The following CNTNAP2 variants were observed in gnomAD, a reference collection of about 807,000 sequenced individuals.
The protein encoded by CNTNAP2 is contactin-associated protein-like 2.
CNTNAP2 carries 98 observed loss-of-function variants against 155.2 expected under a neutral mutation model. The ratio of observed to expected loss-of-function variants is 0.63; its 90% CI spans 0.54 to 0.75. The LOEUF is 0.75. Among genes scored for constraint, CNTNAP2 ranks in the 30% least tolerant of loss-of-function variants. The pLI, the probability that CNTNAP2 is intolerant of heterozygous loss-of-function variation, is 0.00. For missense variants in CNTNAP2, 1,727 were observed against 1,688.1 expected (o/e 1.02, Z -0.40); for synonymous variants, 651 against 631.2 (o/e 1.03, Z -0.47).
intron 1 of CNTNAP2, among the ~76,000 whole-genome samples, chr7:146,517,078 G>A (rs1376124442): frequency 2.0e-5 from 3 of 151,926 alleles, no homozygotes; most frequent in South Asian, 2.1e-4. Flanking sequence ...CTCTAAGCAC[G>A]GTGATGAACT....
intron 14 of CNTNAP2, among the ~76,000 whole-genome samples, chr7:147,960,015 C>A (rs1194288790): frequency 1.3e-5 from 2 of 152,112 alleles, no homozygotes; most frequent in Non-Finnish European, 2.9e-5. Flanking sequence ...CTCAGCACCT[C>A]GACTCTCTCC....
At chr7:146,912,091 C>T (rs760367620) in intron 3 of CNTNAP2, among the ~76,000 whole-genome samples, 10 of 150,428 alleles carry the variant, frequency 6.6e-5, no homozygotes, top group Non-Finnish European at 8.9e-5. Context: ...TCCTGAATCA[C>T]GATGTTTTAA....
intron 8 of CNTNAP2, among the ~76,000 whole-genome samples, chr7:147,274,925 A>G (rs1054337925): frequency 6.6e-6 from 1 of 151,910 alleles, no homozygotes; most frequent in Non-Finnish European, 1.5e-5. Flanking sequence ...ATTGAATAGG[A>G]TGTCCTTTTC....
chr7:146,178,117 T>C (rs1798496531), intron 1 of CNTNAP2, among the ~76,000 whole-genome samples: 1 of 152,182 alleles, frequency 6.6e-6, no homozygotes, highest in Non-Finnish European at 1.5e-5. Context: ...CACTGCAAGC[T>C]CCACCTCCTG....
chr7:148,172,341 G>T lies in CNTNAP2; in HGVS notation c.2873G>T (p.Gly958Val). The change falls in exon 18 of 24, where the codon GGG (glycine) becomes GTG (valine). Residue 958 changes from glycine to valine, a missense_variant. By Grantham distance (109) the Gly-to-Val change is moderately radical. Transcript: ENST00000361727. ...GAGGAAAGAGCAAAGGTCACATCTG[G>T]GTTCATATCCGGATGCTCGGGCCAT... is the stretch of plus-strand genomic sequence containing the variant. ...DLEERAKVTS[G>V]FISGCSGHCT... 1 of 1,614,118 alleles carries T rather than the reference G, an allele frequency of 6.2e-7. No individual in the cohort carries two copies. Among genetic ancestry groups the T allele is most frequent in the Non-Finnish European group, 8.5e-7 (1 of 1,180,024 alleles).
At chr7:146,955,646 T>G (rs1797418884) in intron 3 of CNTNAP2, among the ~76,000 whole-genome samples, 1 of 152,034 alleles carries the variant, frequency 6.6e-6, no homozygotes, top group African/African-American at 2.4e-5. Context: ...AAGACAACCC[T>G]AGAAATAATT....
intron 8 of CNTNAP2, among the ~76,000 whole-genome samples, chr7:147,194,055 G>A (rs1218416495): frequency 6.6e-6 from 1 of 151,030 alleles, no homozygotes; most frequent in African/African-American, 2.4e-5. Flanking sequence ...TGTACCTATT[G>A]ACCCCTCCTC....
rs1798501248 is a variant in CNTNAP2, at chr7:147,485,919, T to C, written c.1671-16T>C. On this transcript the variant is annotated splice_polypyrimidine_tract_variant and intron_variant, in intron 10 of 23. Coordinates refer to ENST00000361727, the MANE Select transcript of CNTNAP2 (RefSeq NM_014141.6). ...TTGTTTGTTGGTTTATTTCTGTTTG[T>C]CTCTCTCTCTGACAGATGTGTGCCC... 1 of 1,607,108 alleles carries C rather than the reference T, an allele frequency of 6.2e-7. No individual in the cohort carries two copies. The highest frequency in any genetic ancestry group is 8.5e-7 in the Non-Finnish European group (1 of 1,173,814).
At chr7:148,295,603 T>G (rs908127261) in intron 21 of CNTNAP2, among the ~76,000 whole-genome samples, 1 of 138,808 alleles carries the variant, frequency 7.2e-6, no homozygotes, top group African/African-American at 2.8e-5. Context: ...CCCATTCTCC[T>G]GCCTCAGCCT....
intron 18 of CNTNAP2, among the ~76,000 whole-genome samples, chr7:148,179,490 G>A (rs1794997836): frequency 6.7e-6 from 1 of 149,880 alleles, no homozygotes; most frequent in Admixed American, 6.7e-5. Flanking sequence ...CTGGGCAACA[G>A]AGCAAGACTG....
At chr7:146,223,107 C>T (rs1799234958) in intron 1 of CNTNAP2, among the ~76,000 whole-genome samples, 1 of 152,152 alleles carries the variant, frequency 6.6e-6, no homozygotes, top group African/African-American at 2.4e-5. Flanking sequence ...AACACATAGA[C>T]ACAAACCCAC....
chr7:147,055,827 C>T (rs1433841055), intron 4 of CNTNAP2, among the ~76,000 whole-genome samples: 1 of 152,010 alleles, frequency 6.6e-6, no homozygotes, highest in South Asian at 2.1e-4. Context: ...GCCTGATCCC[C>T]GAGGGAAGCA....
intron 8 of CNTNAP2, among the ~76,000 whole-genome samples, chr7:147,287,557 A>C (rs929090407): frequency 8.6e-5 from 13 of 151,884 alleles, no homozygotes; most frequent in African/African-American, 3.1e-4. Context: ...TTCAGCCTAA[A>C]CTCTCTTTTC....
intron 9 of CNTNAP2, among the ~76,000 whole-genome samples, chr7:147,368,770 A>T (rs1525228): frequency 6.6e-6 from 1 of 152,096 alleles, no homozygotes; most frequent in African/African-American, 2.4e-5. Flanking sequence ...AATACAAAAG[A>T]GTTCCTCTTA....
intron 9 of CNTNAP2, among the ~76,000 whole-genome samples, chr7:147,300,755 C>T (rs1032891747): frequency 2.0e-5 from 3 of 152,092 alleles, no homozygotes; most frequent in South Asian, 2.1e-4. Context: ...TCATTGGAAG[C>T]CTCGTCTGCT....
intron 11 of CNTNAP2, among the ~76,000 whole-genome samples, chr7:147,529,541 T>G (rs1252688773): frequency 3.5e-5 from 5 of 144,548 alleles, no homozygotes; most frequent in South Asian, 2.2e-4. Context: ...AACAATGCTG[T>G]TTTTTTTTTG....
intron 15 of CNTNAP2, among the ~76,000 whole-genome samples, chr7:147,989,540 G>T (rs1033376341): frequency 2.6e-5 from 4 of 152,162 alleles, no homozygotes; most frequent in Non-Finnish European, 5.9e-5. Flanking sequence ...TATCAGAAAA[G>T]CTCTGCCCAT....
chr7:147,208,486 G>T (rs974681821), intron 8 of CNTNAP2, among the ~76,000 whole-genome samples: 1 of 151,990 alleles, frequency 6.6e-6, no homozygotes, highest in East Asian at 1.9e-4. Context: ...AAAGTGCAGG[G>T]TCTAGTAGGA....
intron 13 of CNTNAP2, among the ~76,000 whole-genome samples, chr7:147,787,067 G>A (rs1797752021): frequency 6.6e-6 from 1 of 152,292 alleles, no homozygotes; most frequent in African/African-American, 2.4e-5. Context: ...TTCAAGAGTT[G>A]TTGGGCATCA....
Sources: gnomAD v4.1 joint callset for allele counts (sites outside exome capture counted in the v4.1 genomes callset) on GRCh38, gnomAD v4.1.1 for gene constraint, MANE v1.5 for transcripts, NCBI Gene and HGNC (gene_info 2026-07-23, HGNC 2026-07-21) for gene names.